Variants in HTRA1 observed in about 807,000 individuals in gnomAD.
The protein encoded by HTRA1 is serine protease HTRA1.
Under a neutral mutation model 49.7 loss-of-function variants are expected in HTRA1, and 26 were observed. The observed-to-expected ratio is 0.52, with a 90% CI of 0.38 to 0.73. HTRA1 has a LOEUF of 0.73. HTRA1 is among the 30% of genes least tolerant of loss of function. The pLI is 0.00. For missense variants in HTRA1, 561 were observed against 667.2 expected, an observed-to-expected ratio of 0.84 and a Z score of 1.75; for synonymous variants, 291 against 286.9, an observed-to-expected ratio of 1.01 and a Z score of -0.14.
chr10:122,505,798 G>A lies in HTRA1; in HGVS notation c.778-893G>A, dbSNP rs144571293. Among the ~76,000 whole-genome samples the A allele has an allele frequency of 2.3e-3, 346 of 152,328 alleles. 4 individuals carry two copies. Among genetic ancestry groups the A allele is most frequent in the Middle Eastern group, 0.017 (5 of 294 alleles). On this transcript the variant is annotated intron_variant, in intron 3 of 8. Coordinates refer to ENST00000368984, the MANE Select transcript of HTRA1 (RefSeq NM_002775.5). ...AAGTGAATAAAGGCTGAAGGAACTC[G>A]GGAGGTCTGCTCGGCTCCGAGGAAG...
At chr10:122,465,167 C>T (rs187766338) in intron 1 of HTRA1, among the ~76,000 whole-genome samples, 14 of 152,240 alleles carry the variant, frequency 9.2e-5, no homozygotes, top group South Asian at 4.2e-4. Flanking sequence ...CTCTGCTCAC[C>T]GCTCTGGAAA....
intron 3 of HTRA1, among the ~76,000 whole-genome samples, chr10:122,491,701 C>A (rs1182785847): frequency 6.6e-6 from 1 of 152,228 alleles, no homozygotes; most frequent in Non-Finnish European, 1.5e-5. Context: ...ACGAGCTTTG[C>A]AGAGTGTGTC....
At chr10:122,509,996 C>A in intron 6 of HTRA1, 100 bp from the exon 7 acceptor site, 1 of 960,314 alleles carries the variant, frequency 1.0e-6, no homozygotes, top group Non-Finnish European at 1.7e-6. Context: ...CCTTCTGTGG[C>A]CCTTCCTGCA....
At chr10:122,479,165 G>A (rs2097489890) in intron 1 of HTRA1, among the ~76,000 whole-genome samples, 1 of 152,216 alleles carries the variant, frequency 6.6e-6, no homozygotes, top group South Asian at 2.1e-4. Context: ...TGGAAGCGGG[G>A]ATTGTTCTGG....
chr10:122,492,658 T>G (rs1286372869), intron 3 of HTRA1, among the ~76,000 whole-genome samples: 4 of 152,176 alleles, frequency 2.6e-5, no homozygotes, highest in Non-Finnish European at 4.4e-5. Context: ...CTTGAGACTT[T>G]CAGTGAAATA....
At chr10:122,511,661 A>T (rs1242821461) in intron 7 of HTRA1, among the ~76,000 whole-genome samples, 2 of 151,618 alleles carry the variant, frequency 1.3e-5, no homozygotes, top group African/African-American at 4.9e-5. Context: ...TGAACCCGGG[A>T]TATGTAGGTT....
At chr10:122,508,915 A>G (rs1202317919) in intron 6 of HTRA1, 145 bp downstream of exon 6, 3 of 652,458 alleles carry the variant, frequency 4.6e-6, no homozygotes, top group Non-Finnish European at 8.3e-6. Context: ...AATGCACATT[A>G]CTAAATCCCT....
At chr10:122,484,010 T>C (rs1480226899) in intron 1 of HTRA1, among the ~76,000 whole-genome samples, 1 of 152,252 alleles carries the variant, frequency 6.6e-6, no homozygotes, top group Non-Finnish European at 1.5e-5. Flanking sequence ...AAGACGGTTT[T>C]ACATTTTCCT....
intron 3 of HTRA1, among the ~76,000 whole-genome samples, chr10:122,500,596 C>G (rs922752204): frequency 6.6e-6 from 1 of 152,122 alleles, no homozygotes; most frequent in African/African-American, 2.4e-5. Flanking sequence ...ATACGTGGAG[C>G]CTGAGGGGGT....
chr10:122,480,949 T>G lies in HTRA1; in HGVS notation c.473-7953T>G, dbSNP rs143931422. ...ACATCACAAAATCAGAAAAATAAGATTAAAAAAAGCTAACTGCTGAACACT... is the reference window on the plus strand; with the variant it reads ...ACATCACAAAATCAGAAAAATAAGAGTAAAAAAAGCTAACTGCTGAACACT... On this transcript the variant is annotated intron_variant, in intron 1 of 8. Transcript: ENST00000368984. Among the ~76,000 whole-genome samples, 330 of 152,124 alleles carry G rather than the reference T, an allele frequency of 2.2e-3. 14 individuals are homozygous for G. In the East Asian group the frequency reaches 0.055, roughly 25 times the overall value.
intron 1 of HTRA1, among the ~76,000 whole-genome samples, chr10:122,481,332 C>A (rs1478028767): frequency 6.6e-6 from 1 of 152,144 alleles, no homozygotes; most frequent in Non-Finnish European, 1.5e-5. Context: ...AAATGATTAT[C>A]CAGTTTTACT....
At chr10:122,468,328 C>A (rs1002820839) in intron 1 of HTRA1, among the ~76,000 whole-genome samples, 5 of 152,116 alleles carry the variant, frequency 3.3e-5, no homozygotes, top group African/African-American at 1.2e-4. Context: ...AATGGAAGGA[C>A]CTCCTTATAT....
At chr10:122,503,198 C>T (rs944713338) in intron 3 of HTRA1, among the ~76,000 whole-genome samples, 2 of 152,240 alleles carry the variant, frequency 1.3e-5, no homozygotes, top group African/African-American at 2.4e-5. Context: ...CGGGGCTTCA[C>T]GGCGCCTGTG....
chr10:122,492,371 T>C (rs1441825971), intron 3 of HTRA1, among the ~76,000 whole-genome samples: 1 of 152,210 alleles, frequency 6.6e-6, no homozygotes, highest in Non-Finnish European at 1.5e-5. Flanking sequence ...AGTTTTACTG[T>C]TGCCCAGGCT....
At chr10:122,501,644 T>C (rs1364197012) in intron 3 of HTRA1, among the ~76,000 whole-genome samples, 4 of 152,100 alleles carry the variant, frequency 2.6e-5, no homozygotes. Flanking sequence ...GGAGCCACGT[T>C]CCCTCCTCCA....
At chr10:122,473,421 C>T (rs1030104228) in intron 1 of HTRA1, among the ~76,000 whole-genome samples, 1 of 152,124 alleles carries the variant, frequency 6.6e-6, no homozygotes, top group African/African-American at 2.4e-5. Context: ...GGAGGCCAGA[C>T]TGATTTGGTC....
intron 3 of HTRA1, among the ~76,000 whole-genome samples, chr10:122,503,844 G>A (rs1362161406): frequency 6.6e-6 from 1 of 152,158 alleles, no homozygotes; most frequent in African/African-American, 2.4e-5. Context: ...CATGAGCTAG[G>A]AAATGTCTGA....
intron 3 of HTRA1, among the ~76,000 whole-genome samples, chr10:122,500,873 G>A (rs1331050909): frequency 1.3e-5 from 2 of 152,126 alleles, no homozygotes; most frequent in Non-Finnish European, 2.9e-5. Context: ...CCTTCCCGTG[G>A]TGGGCCCCTG....
At chr10:122,479,320 C>A (rs919806020) in intron 1 of HTRA1, among the ~76,000 whole-genome samples, 3 of 152,054 alleles carry the variant, frequency 2.0e-5, no homozygotes, top group South Asian at 2.1e-4. Context: ...AGCCTGGGAG[C>A]CAGACAGATG....
Sources: allele counts gnomAD v4.1 joint callset (sites outside exome capture counted in the v4.1 genomes callset), GRCh38; gene constraint gnomAD v4.1.1; transcripts MANE v1.5; gene names NCBI Gene and HGNC (gene_info 2026-07-23, HGNC 2026-07-21).